Variants in TAFA1 observed in about 807,000 individuals in gnomAD.
TAFA1 encodes TAFA chemokine like family member 1.
In TAFA1, 4 loss-of-function variants were observed where a neutral mutation model predicts 18.5. The observed-to-expected ratio is 0.22, with a 90% CI of 0.11 to 0.49. TAFA1 has a LOEUF of 0.49. Among genes scored for constraint, TAFA1 ranks in the 20% least tolerant of loss-of-function variants. The pLI is 0.98. For synonymous variants in TAFA1, 56 were observed against 55.2 expected, an observed-to-expected ratio of 1.01 and a Z score of -0.06; for missense variants, 147 against 169.0, an observed-to-expected ratio of 0.87 and a Z score of 0.72.
chr3:68,421,455 G>A (rs2070954107), intron 3 of TAFA1, among the ~76,000 whole-genome samples: 1 of 152,094 alleles, frequency 6.6e-6, no homozygotes, highest in Non-Finnish European at 1.5e-5. Flanking sequence ...TATAAAGTGT[G>A]ACTATAAATT....
At chr3:68,061,466 A>T (rs934298499) in intron 2 of TAFA1, among the ~76,000 whole-genome samples, 3 of 152,182 alleles carry the variant, frequency 2.0e-5, no homozygotes, top group Non-Finnish European at 4.4e-5. Context: ...GTTAAAAGGC[A>T]TAGTGGGAAT....
At position 68,323,074 on chromosome 3, in the gene TAFA1, C is replaced by T. The variant is rs577016732; in HGVS notation, c.119-94206C>T. 5.3e-5 allele frequency among the ~76,000 whole-genome samples: 8 copies of T among 152,272 alleles called. No homozygotes were observed. In the East Asian group the frequency reaches 7.7e-4, roughly 15 times the overall value. On this transcript the variant is annotated intron_variant, in intron 2 of 4. Transcript: ENST00000478136. ...CAATTGCTGAAAAGCGGTGCCATGGCTTATCTTAAAAGATGTTTTGAAAAA... is the reference window on the plus strand; with the variant it reads ...CAATTGCTGAAAAGCGGTGCCATGGTTTATCTTAAAAGATGTTTTGAAAAA...
At chr3:68,538,654 T>C (rs2073315197) in intron 3 of TAFA1, 102 bp from the exon 4 acceptor site, 1 of 1,152,392 alleles carries the variant, frequency 8.7e-7, no homozygotes, top group East Asian at 2.4e-5. Context: ...AAAGAGAACT[T>C]AGTGTGCTTC....
intron 2 of TAFA1, among the ~76,000 whole-genome samples, chr3:68,050,329 A>G (rs915975280): frequency 4.6e-5 from 7 of 152,134 alleles, no homozygotes; most frequent in Admixed American, 3.9e-4. Context: ...AAGGCTGCAT[A>G]TGGGCCATTT....
At chr3:68,215,522 A>G (rs2066647057) in intron 2 of TAFA1, among the ~76,000 whole-genome samples, 3 of 152,126 alleles carry the variant, frequency 2.0e-5, no homozygotes, top group Admixed American at 1.3e-4. Flanking sequence ...TTCATTAAAA[A>G]TTACAAACTT....
intron 2 of TAFA1, among the ~76,000 whole-genome samples, chr3:68,039,765 A>T (rs1034963602): frequency 2.0e-5 from 3 of 152,112 alleles, no homozygotes; most frequent in African/African-American, 7.2e-5. Flanking sequence ...AGCAACCAAT[A>T]TGTGTTGCTT....
chr3:68,003,433 C>G (rs1316993637), upstream of TAFA1, among the ~76,000 whole-genome samples: 1 of 152,180 alleles, frequency 6.6e-6, no homozygotes, highest in East Asian at 1.9e-4. Context: ...CAGTGGGGAT[C>G]TCATCAATCA....
intron 2 of TAFA1, among the ~76,000 whole-genome samples, chr3:68,241,708 A>G (rs1356767094): frequency 6.6e-6 from 1 of 152,094 alleles, no homozygotes; most frequent in African/African-American, 2.4e-5. Context: ...TTTCCAGGCA[A>G]TGGATAGATG....
intron 2 of TAFA1, among the ~76,000 whole-genome samples, chr3:68,076,653 CT>C (rs1286604965): frequency 6.6e-6 from 1 of 152,282 alleles, no homozygotes; most frequent in Non-Finnish European, 1.5e-5. Flanking sequence ...TTTTTTATGG[CT>C]GTATAGTATT....
At chr3:68,027,935 T>A (rs1232765889) in intron 2 of TAFA1, among the ~76,000 whole-genome samples, 2 of 151,836 alleles carry the variant, frequency 1.3e-5, no homozygotes, top group African/African-American at 4.8e-5. Flanking sequence ...CTGAAGAGGG[T>A]TTTTGGCTTC....
At chr3:68,543,828 C>A (rs1408680490) in intron 4 of TAFA1, among the ~76,000 whole-genome samples, 2 of 152,124 alleles carry the variant, frequency 1.3e-5, no homozygotes, top group Non-Finnish European at 2.9e-5. Context: ...TCTACAGCAA[C>A]AGAAATGTAA....
chr3:68,139,286 C>T (rs569747080), intron 2 of TAFA1, among the ~76,000 whole-genome samples: 56 of 152,072 alleles, frequency 3.7e-4, no homozygotes, highest in Non-Finnish European at 7.1e-4. Flanking sequence ...GAAATACACA[C>T]CACTGGAAGT....
At chr3:68,240,180 A>G (rs1425391376) in intron 2 of TAFA1, among the ~76,000 whole-genome samples, 1 of 152,174 alleles carries the variant, frequency 6.6e-6, no homozygotes, top group African/African-American at 2.4e-5. Context: ...CAAATGATCT[A>G]AGAATACTCA....
chr3:68,046,436 C>G (rs1023703067), intron 2 of TAFA1, among the ~76,000 whole-genome samples: 12 of 152,180 alleles, frequency 7.9e-5, no homozygotes, highest in Admixed American at 2.0e-4. Context: ...TGAATACACT[C>G]TCTCACAGTT....
chr3:68,269,466 C>T lies in TAFA1; in HGVS notation c.119-147814C>T, dbSNP rs190333474. Among the ~76,000 whole-genome samples, 91 of 152,214 alleles carry T rather than the reference C, an allele frequency of 6.0e-4. 1 individual carries two copies. In the Middle Eastern group the frequency reaches 0.014, roughly 23 times the overall value. On this transcript the variant is annotated intron_variant, in intron 2 of 4. Transcript: ENST00000478136. ...CTGGGGGATAGTGTGAGACCCAATT[C>T]TAAAAAATAAAAAATACAAATTCTG...
rs970618580 is a variant in TAFA1, at chr3:68,475,847, C to A, written c.259+58427C>A. Among the ~76,000 whole-genome samples the A allele has an allele frequency of 1.8e-4, 27 of 152,244 alleles. 1 individual carries two copies. Among genetic ancestry groups the A allele is most frequent in the Non-Finnish European group, 2.4e-4 (16 of 68,018 alleles). On this transcript the variant is annotated intron_variant, in intron 3 of 4. Transcript: ENST00000478136. ...TTGTTTCCTGACTTTTTAATGATCG[C>A]CATTCTAACTGGTGTGAGATGGTAT...
intron 2 of TAFA1, among the ~76,000 whole-genome samples, chr3:68,053,246 G>A (rs2064494156): frequency 6.6e-6 from 1 of 152,090 alleles, no homozygotes; most frequent in Admixed American, 6.6e-5. Flanking sequence ...TTGGGAAACA[G>A]AGTAGTTGGT....
At chr3:68,076,640 T>A (rs1319646483) in intron 2 of TAFA1, among the ~76,000 whole-genome samples, 1 of 152,290 alleles carries the variant, frequency 6.6e-6, no homozygotes, top group African/African-American at 2.4e-5. Context: ...CATGAACTCA[T>A]CATTTTTTAT....
chr3:68,262,336 T>TAA (rs2067447570), intron 2 of TAFA1, among the ~76,000 whole-genome samples: 1 of 97,674 alleles, frequency 1.0e-5, no homozygotes, highest in African/African-American at 4.1e-5. Context: ...TATATATATA[T>TAA]ATATATATAT....
Sources: allele counts gnomAD v4.1 joint callset (sites outside exome capture counted in the v4.1 genomes callset), GRCh38; gene constraint gnomAD v4.1.1; transcripts MANE v1.5; gene names NCBI Gene and HGNC (gene_info 2026-07-23, HGNC 2026-07-21).